The following KDSR variants were observed in gnomAD, a reference collection of about 807,000 sequenced individuals.
The protein encoded by KDSR is 3-ketodihydrosphingosine reductase.
KDSR carries 23 observed loss-of-function variants against 41.3 expected under a neutral mutation model. The observed-to-expected ratio is 0.56, with a 90% CI of 0.40 to 0.79. KDSR has a LOEUF of 0.79. Among genes scored for constraint, KDSR ranks in the 30% least tolerant of loss-of-function variants. The probability of loss-of-function intolerance (pLI) is 0.00; values close to 1 mark genes in which losing one functional copy is unlikely to be tolerated. For missense variants in KDSR, 351 were observed against 416.8 expected (o/e 0.84, Z 1.37); for synonymous variants, 138 against 151.7 (o/e 0.91, Z 0.66).
Position 63,330,703 on chromosome 18 carries a change from T to A in KDSR, c.*1079A>T. On this transcript the variant is annotated 3_prime_UTR_variant, in exon 10 of 10. Transcript: ENST00000645214. ...ATCAGCCTTTCCTAAAAGCTACATATATGCTCCGAGAAAAAGTCACACTTT... is the reference window on the plus strand; with the variant it reads ...ATCAGCCTTTCCTAAAAGCTACATAAATGCTCCGAGAAAAAGTCACACTTT... The A allele has an allele frequency of 4.3e-6, 1 of 231,108 alleles. No homozygotes were observed. The highest frequency in any genetic ancestry group is 1.8e-4 in the South Asian group (1 of 5,518). 14.3% of individuals were successfully genotyped at this position (231,108 alleles called of 1,614,324 possible). A position where few individuals can be genotyped will look rare whatever the true frequency, so the allele number is the denominator to read the frequency against.
At chr18:63,345,896 C>T (rs1167353916) in intron 6 of KDSR, 2 of 150,722 alleles carry the variant, frequency 1.3e-5, no homozygotes, top group Non-Finnish European at 2.9e-5. Flanking sequence ...GAGTTGAGAT[C>T]GTGCCACTGT....
Position 63,338,836 on chromosome 18 carries a change from T to G in KDSR, c.741A>C (p.Pro247=). 1 of 1,610,358 alleles carries G rather than the reference T, an allele frequency of 6.2e-7. No individual in the cohort carries two copies. The highest frequency in any genetic ancestry group is 1.1e-5 in the South Asian group (1 of 90,032). Residue 247 remains proline, a synonymous_variant, in exon 8 of 10, where the codon CCA becomes CCC. Coordinates refer to ENST00000645214, the MANE Select transcript of KDSR (RefSeq NM_002035.4). The part of the protein sequence containing the change: ...LISETTSVCK[P]EQVAKQIVKD... Reference sequence around the variant, plus strand: ...TAACAATTTGTTTGGCCACCTGTTCTGGTTTGCACACAGATGTGGTCTCTG... The same window carrying G: ...TAACAATTTGTTTGGCCACCTGTTCGGGTTTGCACACAGATGTGGTCTCTG...
chr18:63,355,297 T>C lies in KDSR; in HGVS notation c.324A>G (p.Ala108=), dbSNP rs930536679. Residue 108 remains alanine (A), a splice_region_variant and synonymous_variant, in exon 5 of 10, where the codon GCA becomes GCG. Coordinates refer to ENST00000645214, the MANE Select transcript of KDSR (RefSeq NM_002035.4). ...TGTCCACTGGACCCAGTTTCTCCTG[T>C]GCCTAGAAAAATGTAGCAGAGCAGG... ...YNQVENVIKQ[A]QEKLGPVDML... 3.1e-6 allele frequency: 5 copies of C among 1,613,634 alleles called. No homozygotes were observed. Among genetic ancestry groups the C allele is most frequent in the African/African-American group, 2.7e-5 (2 of 74,910 alleles).
At chr18:63,366,858 C>G (rs1036969509) in intron 1 of KDSR, among the ~76,000 whole-genome samples, 153 bp downstream of exon 1, 3 of 152,134 alleles carry the variant, frequency 2.0e-5, no homozygotes, top group African/African-American at 7.2e-5. Context: ...GGGGGAAAAG[C>G]GCCGGGGTGG....
chr18:63,351,939 A>G (rs1164616875), intron 5 of KDSR, among the ~76,000 whole-genome samples: 1 of 151,980 alleles, frequency 6.6e-6, no homozygotes, highest in Non-Finnish European at 1.5e-5. Context: ...ACATGCCACC[A>G]CGTCCAGCTA....
At chr18:63,335,392 T>C in intron 8 of KDSR, 34 bp from the exon 9 acceptor site, 483 of 1,248,530 alleles carry the variant, frequency 3.9e-4, no homozygotes, top group Middle Eastern at 6.4e-4. Context: ...AAAGAGGGAA[T>C]CCTAGTAATG....
At chr18:63,348,997 G>A (rs1242163395) in intron 6 of KDSR, among the ~76,000 whole-genome samples, 4 of 152,178 alleles carry the variant, frequency 2.6e-5, no homozygotes. Context: ...GTAACTATGT[G>A]ACTTTGAGCA....
chr18:63,367,005 A>ACTCACCACCACATGCGCCCC lies in KDSR; in HGVS notation c.94_108+5dup. ...AGTCGGGGGGCAGCAACAGGAGGCC[A>ACTCACCACCACATGCGCCCC]CTCACCACCACATGCGCCCCGGGCA... On this transcript the variant is annotated splice_donor_region_variant and intron_variant, in intron 1 of 9. Transcript: ENST00000645214. 7.7e-7 allele frequency: 1 copy of ACTCACCACCACATGCGCCCC among 1,299,480 alleles called. No homozygotes were observed. Among genetic ancestry groups the ACTCACCACCACATGCGCCCC allele is most frequent in the Non-Finnish European group, 9.9e-7 (1 of 1,010,632 alleles). The allele number at this position is 1,299,480 out of a possible 1,614,324, so 80.5% of individuals were successfully genotyped here. A position where few individuals can be genotyped will look rare whatever the true frequency, so the allele number is the denominator to read the frequency against.
chr18:63,359,635 T>C, intron 3 of KDSR, 101 bp downstream of exon 3: 1 of 789,128 alleles, frequency 1.3e-6, no homozygotes, highest in Non-Finnish European at 2.2e-6. Flanking sequence ...ACAGTACATA[T>C]ATGCTTTCAA....
rs1599338398 is a variant in KDSR at position 63,359,812 on chromosome 18, A to C, written c.199-20T>G. Reference sequence around the variant, plus strand: ...CTTATCCTGAAAGCAATACAGAATAATTAGTCGTGATGACCGTCTATATGC... The same window carrying C: ...CTTATCCTGAAAGCAATACAGAATACTTAGTCGTGATGACCGTCTATATGC... On this transcript the variant is annotated intron_variant, in intron 2 of 9. Coordinates refer to ENST00000645214, the MANE Select transcript of KDSR (RefSeq NM_002035.4). 6.4e-7 allele frequency: 1 copy of C among 1,565,056 alleles called. No homozygotes were observed. The highest frequency in any genetic ancestry group is 8.8e-7 in the Non-Finnish European group (1 of 1,136,552).
Position 63,329,407 on chromosome 18 carries a change from A to G in KDSR, c.*2375T>C, listed in dbSNP as rs1034449557. ...TAAATATAAAGTACAATACTCTCACATCAGTTCAAGTCAGATTTTGCTGCC... is the reference window on the plus strand; with the variant it reads ...TAAATATAAAGTACAATACTCTCACGTCAGTTCAAGTCAGATTTTGCTGCC... On this transcript the variant is annotated 3_prime_UTR_variant, in exon 10 of 10. Transcript: ENST00000645214. The G allele has an allele frequency of 4.8e-6, 1 of 209,226 alleles. No individual in the cohort carries two copies. The highest frequency in any genetic ancestry group is 9.7e-6 in the Non-Finnish European group (1 of 102,844). 13.0% of individuals were successfully genotyped at this position (209,226 alleles called of 1,614,324 possible).
At chr18:63,341,470 G>C (rs1343075613) in intron 7 of KDSR, among the ~76,000 whole-genome samples, 1 of 146,294 alleles carries the variant, frequency 6.8e-6, no homozygotes, top group East Asian at 2.0e-4. Context: ...AGGCCCAAGA[G>C]ATTAAAAAAA....
At chr18:63,341,997 C>T (rs1246931582) in intron 7 of KDSR, among the ~76,000 whole-genome samples, 1 of 151,564 alleles carries the variant, frequency 6.6e-6, no homozygotes, top group Non-Finnish European at 1.5e-5. Context: ...AACCCCGTCT[C>T]TACTAAAAAA....
chr18:63,363,207 CTT>C (rs1006397920), intron 1 of KDSR, among the ~76,000 whole-genome samples: 7 of 121,780 alleles, frequency 5.7e-5, no homozygotes, highest in Admixed American at 1.7e-4. Context: ...ATCTTATTTT[CTT>C]TTTTTTTTTC....
chr18:63,355,706 A>G, intron 3 of KDSR, 143 bp from the exon 4 acceptor site: 5 of 1,218,852 alleles, frequency 4.1e-6, no homozygotes, highest in Non-Finnish European at 5.4e-6. Context: ...CTGATGATGC[A>G]ATTAGCAGAA....
intron 3 of KDSR, among the ~76,000 whole-genome samples, chr18:63,355,837 C>T (rs1353255231): frequency 1.3e-5 from 2 of 152,168 alleles, no homozygotes; most frequent in African/African-American, 2.4e-5. Context: ...GGGTTGCCCA[C>T]AGCCAGGCAT....
At chr18:63,363,019 T>C in intron 1 of KDSR, 151 bp from the exon 2 acceptor site, 1 of 595,020 alleles carries the variant, frequency 1.7e-6, no homozygotes. Context: ...ACTTAATGAC[T>C]GGAGTAAGTG....
intron 1 of KDSR, chr18:63,366,558 C>T (rs1282121836): frequency 6.4e-6 from 1 of 156,504 alleles, no homozygotes; most frequent in Admixed American, 6.5e-5. Context: ...TGGGACCCCA[C>T]TTCCCCGCTG....
intron 7 of KDSR, among the ~76,000 whole-genome samples, chr18:63,342,168 CAAA>C (rs57407258): frequency 2.3e-4 from 28 of 123,670 alleles, no homozygotes; most frequent in Non-Finnish European, 2.3e-4. Flanking sequence ...GACTCTATCA[CAAA>C]AAAAAAAAAA....
Sources: gnomAD v4.1 joint callset for allele counts (sites outside exome capture counted in the v4.1 genomes callset) on GRCh38, gnomAD v4.1.1 for gene constraint, MANE v1.5 for transcripts, NCBI Gene and HGNC (gene_info 2026-07-23, HGNC 2026-07-21) for gene names.